CELSR3: variants seen among roughly 807,000 people sequenced by gnomAD.
The protein encoded by CELSR3 is EGF-like protein 1.
Under a neutral mutation model 270.0 loss-of-function variants are expected in CELSR3, and 73 were observed. The observed-to-expected ratio is 0.27, with a 90% CI of 0.22 to 0.33. The LOEUF (loss-of-function observed/expected upper bound fraction) is 0.33. CELSR3 is among the 10% of genes least tolerant of loss of function. The pLI, the probability that CELSR3 is intolerant of heterozygous loss-of-function variation, is 1.00. For missense variants in CELSR3, 3,614 were observed against 4,533.8 expected (o/e 0.80, Z 5.83); for synonymous variants, 1,780 against 1,905.4 (o/e 0.93, Z 1.71).
chr3:48,648,244 C>A, intron 19 of CELSR3, 22 bp downstream of exon 19: 1 of 1,380,760 alleles, frequency 7.2e-7, no homozygotes, highest in Admixed American at 1.7e-5. Context: ...CTGTGCCCCG[C>A]CCTACCCCAC....
chr3:48,650,610 C>A lies in CELSR3; in HGVS notation c.6371-29G>T. 1 of 1,574,656 alleles carries A rather than the reference C, an allele frequency of 6.4e-7. No homozygotes were observed. Among genetic ancestry groups the A allele is most frequent in the South Asian group, 1.2e-5 (1 of 86,786 alleles). ...GAGAGAGAAGAGGTGCTGAGCCAGG[C>A]AGTCAGGGTACAGGGCAGTTGACAG... On this transcript the variant is annotated intron_variant, in intron 15 of 34. Transcript: ENST00000164024. The surrounding 1 kb of genome is among the most constrained non-coding windows in gnomAD (Gnocchi z 5.1).
chr3:48,649,406 G>A (rs1324428239), intron 16 of CELSR3, among the ~76,000 whole-genome samples, 191 bp from the exon 17 acceptor site: 2 of 152,222 alleles, frequency 1.3e-5, no homozygotes, highest in African/African-American at 2.4e-5. Context: ...CAATTCCTGA[G>A]AGGGCTGTAG....
rs775450200 is a variant in CELSR3, at chr3:48,659,004, C to G, written c.3631G>C (p.Glu1211Gln). The change falls in exon 1 of 35, where the codon GAG (glutamate) becomes CAG (glutamine). Residue 1211 changes from glutamate to glutamine, a missense_variant. This residue lies in a region of CELSR3 where 1,331 missense variants were observed against 1,933.7 expected (regional missense o/e 0.69). Transcript: ENST00000164024. The surrounding 1 kb of genome is among the most constrained non-coding windows in gnomAD (Gnocchi z 8.1). ...AGCAGCTGCAGCTCATTGCCACGCT[C>G]AAAGGAGTAGAAGAGGTGGTCGGAG... Reference protein sequence around the residue: ...DVSDHLFYSFERGNELQLLVV... With the variant: ...DVSDHLFYSFQRGNELQLLVV... The G allele has an allele frequency of 4.3e-6, 7 of 1,614,046 alleles. 1 individual carries two copies. In the South Asian group the frequency reaches 7.7e-5, roughly 18 times the overall value.
At position 48,662,377 on chromosome 3, in the gene CELSR3, C is replaced by T; in HGVS notation, c.258G>A (p.Val86=). 6.2e-7 allele frequency: 1 copy of T among 1,613,032 alleles called. No individual in the cohort carries two copies. The highest frequency in any genetic ancestry group is 8.5e-7 in the Non-Finnish European group (1 of 1,180,004). ...PGLGVREPIF[V]GLRGRRQSAR... Reference sequence around the variant, plus strand: ...CGCTTTGCCTTCTCCCTCGGAGCCCCACGAAGATAGGCTCCCTGACCCCCA... The same window carrying T: ...CGCTTTGCCTTCTCCCTCGGAGCCCTACGAAGATAGGCTCCCTGACCCCCA... Residue 86 remains valine, a synonymous_variant, in exon 1 of 35, where the codon GTG becomes GTA. Transcript: ENST00000164024. The surrounding 1 kb of genome is among the most constrained non-coding windows in gnomAD (Gnocchi z 7.1).
At position 48,646,234 on chromosome 3, in the gene CELSR3, T is replaced by C. The variant is rs927755552; in HGVS notation, c.7319A>G (p.Asn2440Ser). The change falls in exon 22 of 35, where the codon AAC (asparagine) becomes AGC (serine). Residue 2440 changes from asparagine to serine, a missense_variant. By Grantham distance (46) the Asn-to-Ser change is conservative. This residue lies in a region of CELSR3 where 1,240 missense variants were observed against 1,351.7 expected (regional missense o/e 0.92). Transcript: ENST00000164024. The surrounding 1 kb of genome is among the most constrained non-coding windows in gnomAD (Gnocchi z 4.8). ...GARLPQNPVM[N>S]SPVVSVAVFH... ...CACAGCCACGCTGACCACCGGGGAG[T>C]TCATGACGGGGTTCTGAGGAAGCCT... 1.2e-6 allele frequency: 2 copies of C among 1,611,592 alleles called. No individual in the cohort carries two copies. Among genetic ancestry groups the C allele is most frequent in the South Asian group, 2.2e-5 (2 of 91,044 alleles).
At position 48,646,335 on chromosome 3, in the gene CELSR3, C is replaced by A. The variant is rs2047084002; in HGVS notation, c.7296-78G>T. The A allele has an allele frequency of 6.8e-7, 1 of 1,459,914 alleles. No homozygotes were observed. Among genetic ancestry groups the A allele is most frequent in the African/African-American group, 1.4e-5 (1 of 71,148 alleles). The allele number at this position is 1,459,914 out of a possible 1,614,324, so 90.4% of individuals were successfully genotyped here. A position where few individuals can be genotyped will look rare whatever the true frequency, so the allele number is the denominator to read the frequency against. Reference sequence around the variant, plus strand: ...CTGCTTGCCTCACCCCGTCTTCATGCCACTCGCCAGGGCTGACCCAGGGTC... The same window carrying A: ...CTGCTTGCCTCACCCCGTCTTCATGACACTCGCCAGGGCTGACCCAGGGTC... On this transcript the variant is annotated intron_variant, in intron 21 of 34. Coordinates refer to ENST00000164024, the MANE Select transcript of CELSR3 (RefSeq NM_001407.3). This position sits in a 1 kb window ranked among gnomAD's most constrained non-coding sequence, Gnocchi z 4.8.
intron 27 of CELSR3, chr3:48,643,964 G>A (rs1575539207): frequency 3.4e-6 from 2 of 586,116 alleles, no homozygotes; most frequent in East Asian, 5.6e-5. Flanking sequence ...GGGGCAAAGT[G>A]AGCCACCCAG....
chr3:48,660,456 C>G lies in CELSR3; in HGVS notation c.2179G>C (p.Glu727Gln). ...GGGGGTGAGCCATGGTCTCGAGCCT[C>G]CACACCAAAGAAGTAATGCTCCACA... Reference protein sequence around the residue: ...ESVEHYFFGVEARDHGSPPLS... With the variant: ...ESVEHYFFGVQARDHGSPPLS... Residue 727 changes from glutamate (E) to glutamine (Q), a missense_variant, in exon 1 of 35, where the codon GAG (glutamate) becomes CAG (glutamine). Around this residue, in one of 7 missense-constraint regions of CELSR3, gnomAD observed 215 missense variants for 241.2 expected, o/e 0.89. Transcript: ENST00000164024. The surrounding 1 kb of genome is among the most constrained non-coding windows in gnomAD (Gnocchi z 5.5). The G allele has an allele frequency of 6.2e-7, 1 of 1,614,116 alleles. No individual in the cohort carries two copies. Among genetic ancestry groups the G allele is most frequent in the Non-Finnish European group, 8.5e-7 (1 of 1,180,044 alleles).
At position 48,651,652 on chromosome 3, in the gene CELSR3, C is replaced by T. The variant is rs370929945; in HGVS notation, c.5990G>A (p.Arg1997Gln). 8.2e-6 allele frequency: 13 copies of T among 1,589,214 alleles called. No individual in the cohort carries two copies. The highest frequency in any genetic ancestry group is 8.1e-5 in the African/African-American group (6 of 74,094). ...LNPCQNQGSC[R>Q]HLPGAPHGYT... ...GCCATGGGGGGCTCCTGGCAGGTGC[C>T]GGCATGATCCCTGGTTCTGACAGGG... The change falls in exon 13 of 35, where the codon CGG becomes CAG. Residue 1997 changes from arginine (R) to glutamine (Q), a missense_variant. Physicochemically the swap from Arg to Gln is conservative, Grantham distance 43. This residue lies in a region of CELSR3 where 1,331 missense variants were observed against 1,933.7 expected (regional missense o/e 0.69). Transcript: ENST00000164024. This position sits in a 1 kb window ranked among gnomAD's most constrained non-coding sequence, Gnocchi z 7.4.
rs774434052 is a variant in CELSR3 at position 48,643,544 on chromosome 3, C to A, written c.8289+10G>T. Reference sequence around the variant, plus strand: ...CTGGTTCTGGGGCAAGGGAGGGGCACCAGAGTCACCTGGAGGCCGCAGAGT... The same window carrying A: ...CTGGTTCTGGGGCAAGGGAGGGGCAACAGAGTCACCTGGAGGCCGCAGAGT... On this transcript the variant is annotated intron_variant, in intron 28 of 34. Transcript: ENST00000164024. 3 of 1,548,682 alleles carry A rather than the reference C, an allele frequency of 1.9e-6. No individual in the cohort carries two copies. The South Asian group carries it at 3.6e-5, about 18-fold the overall frequency.
In CELSR3 at chr3:48,642,071, G is replaced by T; in HGVS notation, c.8666-62C>A. 1 of 1,468,156 alleles carries T rather than the reference G, an allele frequency of 6.8e-7. No homozygotes were observed. Among genetic ancestry groups the T allele is most frequent in the Non-Finnish European group, 9.1e-7 (1 of 1,099,606 alleles). 90.9% of individuals were successfully genotyped at this position (1,468,156 alleles called of 1,614,324 possible). ...AGGGACTTGGAGATAAGGGAATTTG[G>T]AGTTGAGGGTCTAGAGGTGGGTACG... is the stretch of plus-strand genomic sequence containing the variant. On this transcript the variant is annotated intron_variant, in intron 31 of 34. Transcript: ENST00000164024. This position sits in a 1 kb window ranked among gnomAD's most constrained non-coding sequence, Gnocchi z 6.1.
intron 28 of CELSR3, 86 bp downstream of exon 28, chr3:48,643,468 G>A: frequency 6.8e-7 from 1 of 1,478,442 alleles, no homozygotes; most frequent in Admixed American, 2.2e-5. Context: ...TCAGCTCCAG[G>A]CCTAGGGTCA....
Position 48,646,397 on chromosome 3 carries a change from C to T in CELSR3, c.7296-140G>A. 1.0e-6 allele frequency: 1 copy of T among 959,208 alleles called. No homozygotes were observed. Among genetic ancestry groups the T allele is most frequent in the Non-Finnish European group, 1.5e-6 (1 of 660,690 alleles). The allele number at this position is 959,208 out of a possible 1,614,324, so 59.4% of individuals were successfully genotyped here. A position where few individuals can be genotyped will look rare whatever the true frequency, so the allele number is the denominator to read the frequency against. On this transcript the variant is annotated intron_variant, in intron 21 of 34. Coordinates refer to ENST00000164024, the MANE Select transcript of CELSR3 (RefSeq NM_001407.3). The surrounding 1 kb of genome is among the most constrained non-coding windows in gnomAD (Gnocchi z 4.8). ...CAGAGTGGAAGCTGTTTCTAAGAAT[C>T]CCTCCAGCTTCTGCTGGGCTGCTGA...
chr3:48,658,788 A>C lies in CELSR3; in HGVS notation c.3748+99T>G. ...ACCCTACCCTTAAGGGGTTCTTGGA[A>C]GGCTTAGAAATCCCTCTTTGGTTTG... On this transcript the variant is annotated intron_variant, in intron 1 of 34. Coordinates refer to ENST00000164024, the MANE Select transcript of CELSR3 (RefSeq NM_001407.3). This position sits in a 1 kb window ranked among gnomAD's most constrained non-coding sequence, Gnocchi z 4.7. 1.4e-6 allele frequency: 2 copies of C among 1,446,426 alleles called. No homozygotes were observed. The highest frequency in any genetic ancestry group is 1.9e-6 in the Non-Finnish European group (2 of 1,060,500). The allele number at this position is 1,446,426 out of a possible 1,614,324, so 89.6% of individuals were successfully genotyped here. A position where few individuals can be genotyped will look rare whatever the true frequency, so the allele number is the denominator to read the frequency against.
rs750469555 is a variant in CELSR3, at chr3:48,645,385, A to G, written c.7797+58T>C. 1.2e-5 allele frequency: 20 copies of G among 1,601,756 alleles called. No individual in the cohort carries two copies. The highest frequency in any genetic ancestry group is 1.6e-4 in the Middle Eastern group (1 of 6,070). On this transcript the variant is annotated intron_variant, in intron 24 of 34. Transcript: ENST00000164024. The surrounding 1 kb of genome is among the most constrained non-coding windows in gnomAD (Gnocchi z 5.4). Reference sequence around the variant, plus strand: ...ACCTCTGACCCTGAGTTTTGGCCCCAGGCCTCCTGGGCCAGTAGGGTCATC... The same window carrying G: ...ACCTCTGACCCTGAGTTTTGGCCCCGGGCCTCCTGGGCCAGTAGGGTCATC...
Position 48,643,575 on chromosome 3 carries a change from A to G in CELSR3, c.8268T>C (p.His2756=). 1 of 1,550,912 alleles carries G rather than the reference A, an allele frequency of 6.4e-7. No homozygotes were observed. Among genetic ancestry groups the G allele is most frequent in the Non-Finnish European group, 8.7e-7 (1 of 1,146,790 alleles). ...TCACCTGGAGGCCGCAGAGTCCAGC[A>G]TGGAGGTAGTGGAAGGCTAGGATGC... The part of the protein sequence containing the change: ...NHSILAFHYL[H]AGLCGLQGLA... The change falls in exon 28 of 35, where the codon CAT becomes CAC. Residue 2756 remains histidine (H), a synonymous_variant. Coordinates refer to ENST00000164024, the MANE Select transcript of CELSR3 (RefSeq NM_001407.3).
In CELSR3 at chr3:48,652,416, C is replaced by A. The variant is rs1284370621; in HGVS notation, c.5751+21G>T. ...CCCCTGACCCTAATGCCCCATATCA[C>A]ATTCCCATGCTGACCCCCACCTGGA... On this transcript the variant is annotated intron_variant, in intron 11 of 34. Transcript: ENST00000164024. The surrounding 1 kb of genome is among the most constrained non-coding windows in gnomAD (Gnocchi z 4.3). 1 of 1,578,904 alleles carries A rather than the reference C, an allele frequency of 6.3e-7. No individual in the cohort carries two copies.
rs1471808090 is a variant in CELSR3 at position 48,662,016 on chromosome 3, C to T, written c.619G>A (p.Glu207Lys). Residue 207 changes from glutamate to lysine, a missense_variant, in exon 1 of 35, where the codon GAA (glutamate) becomes AAA (lysine). Physicochemically the swap from Glu to Lys is moderately conservative, Grantham distance 56. Coordinates refer to ENST00000164024, the MANE Select transcript of CELSR3 (RefSeq NM_001407.3). This position sits in a 1 kb window ranked among gnomAD's most constrained non-coding sequence, Gnocchi z 7.1. The part of the protein sequence containing the change: ...KRVGTARCCG[E>K]LWATGSKGQG... ...CCCTTGCTCCCTGTTGCCCATAATT[C>T]CCCACAGCAGCGCGCGGTGCCCACT... 2 of 1,614,002 alleles carry T rather than the reference C, an allele frequency of 1.2e-6. No homozygotes were observed. Among genetic ancestry groups the T allele is most frequent in the Admixed American group, 1.7e-5 (1 of 60,014 alleles).
rs1233070111 is a variant in CELSR3 at position 48,645,541 on chromosome 3, G to A, written c.7699C>T (p.Leu2567Phe). ...TAAILLSLRS[L>F]KSNVRGIHAN... ...TGGATCCCACGCACATTGGACTTGA[G>A]GCTGCGCAGGCTCAGCAGGATGGCT... The change falls in exon 24 of 35, where the codon CTC (leucine) becomes TTC (phenylalanine). Residue 2567 changes from leucine to phenylalanine, a missense_variant. This residue lies in a region of CELSR3 where 1,240 missense variants were observed against 1,351.7 expected (regional missense o/e 0.92). Transcript: ENST00000164024. The surrounding 1 kb of genome is among the most constrained non-coding windows in gnomAD (Gnocchi z 5.4). The A allele has an allele frequency of 6.2e-7, 1 of 1,612,728 alleles. No individual in the cohort carries two copies. Among genetic ancestry groups the A allele is most frequent in the East Asian group, 2.2e-5 (1 of 44,886 alleles).
Sources: gnomAD v4.1 joint callset for allele counts (sites outside exome capture counted in the v4.1 genomes callset) on GRCh38, gnomAD v4.1.1 for gene constraint, gnomAD v4.1.1 regional missense constraint, Gnocchi (gnomAD v3.1) non-coding constraint, MANE v1.5 for transcripts, NCBI Gene and HGNC (gene_info 2026-07-23, HGNC 2026-07-21) for gene names.